The following PRKD1 variants were observed in gnomAD, a reference collection of about 807,000 sequenced individuals.
The protein encoded by PRKD1 is serine/threonine-protein kinase D1.
PRKD1 carries 63 observed loss-of-function variants against 95.9 expected under a neutral mutation model. That is an observed-to-expected ratio of 0.66 (90% CI 0.54 to 0.81). PRKD1 has a LOEUF of 0.81. Among genes scored for constraint, PRKD1 ranks in the 30% least tolerant of loss-of-function variants. The probability of loss-of-function intolerance (pLI) is 0.00; values close to 1 mark genes in which losing one functional copy is unlikely to be tolerated. For missense variants in PRKD1, 1,048 were observed against 1,165.3 expected (o/e 0.90, Z 1.47); for synonymous variants, 425 against 423.1 (o/e 1.00, Z -0.05).
rs114494712 is a variant in PRKD1 at position 29,806,498 on chromosome 14, T to C, written c.265-80824A>G. ...TAGATCCAATCTGAAATATGTAGTC[T>C]GAATCAGAAAACAGCCAGCGCATCA... On this transcript the variant is annotated intron_variant, in intron 1 of 17. Transcript: ENST00000331968. 2.9e-3 allele frequency among the ~76,000 whole-genome samples: 447 copies of C among 152,252 alleles called. 4 individuals carry two copies. The highest frequency in any genetic ancestry group is 0.011 in the African/African-American group (439 of 41,546).
At chr14:29,781,845 GTATT>G (rs1342122560) in intron 1 of PRKD1, among the ~76,000 whole-genome samples, 4 of 152,188 alleles carry the variant, frequency 2.6e-5, no homozygotes, top group Non-Finnish European at 4.4e-5. Flanking sequence ...TCCCTAAAGA[GTATT>G]TAAACGGAGA....
chr14:29,691,860 G>T (rs1566542413), intron 2 of PRKD1, among the ~76,000 whole-genome samples: 1 of 151,998 alleles, frequency 6.6e-6, no homozygotes, highest in Non-Finnish European at 1.5e-5. Flanking sequence ...AAACTTTGAA[G>T]ATATATTTAG....
intron 1 of PRKD1, among the ~76,000 whole-genome samples, chr14:29,920,129 AAG>A (rs1352668409): frequency 9.9e-5 from 15 of 151,618 alleles, no homozygotes; most frequent in Non-Finnish European, 1.9e-4. Flanking sequence ...AAGAAAAGAA[AAG>A]AGAGAAGAAA....
chr14:29,581,403 T>G (rs1892751013), intron 16 of PRKD1, among the ~76,000 whole-genome samples: 2 of 152,174 alleles, frequency 1.3e-5, no homozygotes. Context: ...TATTCTTATT[T>G]AGTCCTTATA....
intron 1 of PRKD1, among the ~76,000 whole-genome samples, chr14:29,909,547 G>A (rs1412672686): frequency 1.3e-5 from 2 of 152,176 alleles, no homozygotes; most frequent in African/African-American, 4.8e-5. Context: ...AGCCCTCTGT[G>A]TCTAGCTCAA....
At chr14:29,870,191 A>AC (rs1488822595) in intron 1 of PRKD1, among the ~76,000 whole-genome samples, 1 of 152,074 alleles carries the variant, frequency 6.6e-6, no homozygotes, top group Non-Finnish European at 1.5e-5. Flanking sequence ...CTTCAGCTGC[A>AC]CCCCCTTTCC....
intron 1 of PRKD1, among the ~76,000 whole-genome samples, chr14:29,874,132 A>G (rs537843524): frequency 5.3e-5 from 8 of 152,344 alleles, no homozygotes; most frequent in Non-Finnish European, 1.0e-4. Context: ...AGAGTTTTTC[A>G]TAATCTCAGC....
At chr14:29,708,395 A>T (rs950253112) in intron 2 of PRKD1, among the ~76,000 whole-genome samples, 1 of 152,230 alleles carries the variant, frequency 6.6e-6, no homozygotes. Context: ...TTAGTGACTG[A>T]ATAGGTATTA....
chr14:29,586,868 G>C (rs1015438482), intron 16 of PRKD1, among the ~76,000 whole-genome samples: 1 of 152,016 alleles, frequency 6.6e-6, no homozygotes, highest in Non-Finnish European at 1.5e-5. Flanking sequence ...CACATGATCT[G>C]CCCACCCTGG....
At chr14:29,624,655 A>T (rs573480516) in intron 12 of PRKD1, among the ~76,000 whole-genome samples, 1 of 152,280 alleles carries the variant, frequency 6.6e-6, no homozygotes, top group Admixed American at 6.5e-5. Context: ...TAGGGGAAAG[A>T]ATTAAAGTCT....
At chr14:29,617,152 A>G (rs528759696) in intron 13 of PRKD1, among the ~76,000 whole-genome samples, 60 of 152,280 alleles carry the variant, frequency 3.9e-4, no homozygotes, top group Non-Finnish European at 3.8e-4. Context: ...ATGGCTGTAT[A>G]GTATTCCATG....
In PRKD1 at chr14:29,672,011, G is replaced by T. The variant is rs868465869; in HGVS notation, c.404-5803C>A. Among the ~76,000 whole-genome samples, 3 of 152,088 alleles carry T rather than the reference G, an allele frequency of 2.0e-5. No individual in the cohort carries two copies. In the South Asian group the frequency reaches 6.2e-4, roughly 32 times the overall value. On this transcript the variant is annotated intron_variant, in intron 2 of 17. Coordinates refer to ENST00000331968, the MANE Select transcript of PRKD1 (RefSeq NM_002742.3). ...ACCCTATGTATATATTTAAAATATTGTAAGTCTTAACAGAAATCAATGTCA... is the reference window on the plus strand; with the variant it reads ...ACCCTATGTATATATTTAAAATATTTTAAGTCTTAACAGAAATCAATGTCA...
At chr14:29,630,495 T>C (rs1221859096) in intron 10 of PRKD1, 3 of 501,026 alleles carry the variant, frequency 6.0e-6, no homozygotes, top group Non-Finnish European at 3.5e-6. Flanking sequence ...GCCTAATACA[T>C]AGTGTTTACC....
At chr14:29,704,247 T>A (rs1461554946) in intron 2 of PRKD1, among the ~76,000 whole-genome samples, 1 of 152,002 alleles carries the variant, frequency 6.6e-6, no homozygotes, top group African/African-American at 2.4e-5. Context: ...CATGTAATTA[T>A]GGCATAACCA....
chr14:29,611,284 AT>A (rs1446514619), intron 13 of PRKD1, among the ~76,000 whole-genome samples: 1 of 152,134 alleles, frequency 6.6e-6, no homozygotes, highest in East Asian at 1.9e-4. Context: ...CTTCTTCTTA[AT>A]TTTGCTGTGA....
rs546473642 is a variant in PRKD1 at position 29,879,160 on chromosome 14, C to T, written c.264+48089G>A. Among the ~76,000 whole-genome samples the T allele has an allele frequency of 3.3e-5, 5 of 152,242 alleles. 1 individual carries two copies. Among genetic ancestry groups the T allele is most frequent in the African/African-American group, 1.2e-4 (5 of 41,546 alleles). ...ATCACCCAGCACCTTGCACCAAATCCTTCTCTATTATGCTCACTGACTTCT... is the reference window on the plus strand; with the variant it reads ...ATCACCCAGCACCTTGCACCAAATCTTTCTCTATTATGCTCACTGACTTCT... On this transcript the variant is annotated intron_variant, in intron 1 of 17. Transcript: ENST00000331968.
Position 29,576,598 on chromosome 14 carries a change from T to C in PRKD1, c.*640A>G, listed in dbSNP as rs148521876. 3 of 155,736 alleles carry C rather than the reference T, an allele frequency of 1.9e-5. No individual in the cohort carries two copies. Among genetic ancestry groups the C allele is most frequent in the African/African-American group, 4.8e-5 (2 of 41,604 alleles). 9.6% of individuals were successfully genotyped at this position (155,736 alleles called of 1,614,324 possible). On this transcript the variant is annotated 3_prime_UTR_variant, in exon 18 of 18. Transcript: ENST00000331968. ...AAGAGGGAAATGTATCTGTTATATA[T>C]GGCAGTTTACATTTCTAAGGCATTT...
intron 13 of PRKD1, among the ~76,000 whole-genome samples, chr14:29,606,842 AACAGG>A (rs1289780363): frequency 6.6e-6 from 1 of 152,192 alleles, no homozygotes. Context: ...TTTAACCCAG[AACAGG>A]TTTGACTACA....
chr14:29,679,171 T>G (rs958261225), intron 2 of PRKD1, among the ~76,000 whole-genome samples: 4 of 152,192 alleles, frequency 2.6e-5, no homozygotes, highest in Non-Finnish European at 5.9e-5. Context: ...GGAAGAAAAT[T>G]TATCTGATAA....
Sources: gnomAD v4.1 joint callset for allele counts (sites outside exome capture counted in the v4.1 genomes callset) on GRCh38, gnomAD v4.1.1 for gene constraint, MANE v1.5 for transcripts, NCBI Gene and HGNC (gene_info 2026-07-23, HGNC 2026-07-21) for gene names.